Variants in MGRN1 observed in about 807,000 individuals in gnomAD.
MGRN1 encodes E3 ubiquitin-protein ligase MGRN1.
In MGRN1, 29 loss-of-function variants were observed where a neutral mutation model predicts 69.2. That is an observed-to-expected ratio of 0.42 (90% confidence interval 0.31 to 0.57). MGRN1 has a LOEUF of 0.57. MGRN1 is among the 20% of genes least tolerant of loss of function. The pLI, the probability that MGRN1 is intolerant of heterozygous loss-of-function variation, is 0.15. For synonymous variants in MGRN1, 470 were observed against 344.2 expected, an observed-to-expected ratio of 1.37 and a Z score of -4.04; for missense variants, 998 against 796.2, an observed-to-expected ratio of 1.25 and a Z score of -3.05.
At chr16:4,667,730 G>A (rs1035477753) in intron 7 of MGRN1, among the ~76,000 whole-genome samples, 3 of 152,224 alleles carry the variant, frequency 2.0e-5, no homozygotes, top group Admixed American at 6.5e-5. Context: ...CTGAGCGGTG[G>A]TGTGTTTCCC....
chr16:4,663,225 G>C lies in MGRN1; in HGVS notation c.562-1484G>C, dbSNP rs145871195. ...ATTACAGGCATGCGTCACCATGCTTGGCTAATTTTTGTATTTTTAGTAGAG... is the reference window on the plus strand; with the variant it reads ...ATTACAGGCATGCGTCACCATGCTTCGCTAATTTTTGTATTTTTAGTAGAG... On this transcript the variant is annotated intron_variant, in intron 5 of 16. Coordinates refer to ENST00000262370, the MANE Select transcript of MGRN1 (RefSeq NM_015246.4). Among the ~76,000 whole-genome samples the C allele has an allele frequency of 3.1e-3, 466 of 152,168 alleles. 3 individuals are homozygous for C. Among genetic ancestry groups the C allele is most frequent in the African/African-American group, 0.011 (440 of 41,510 alleles).
intron 1 of MGRN1, among the ~76,000 whole-genome samples, chr16:4,643,403 A>ATTTTTTTT (rs34438924): frequency 9.1e-6 from 1 of 109,838 alleles, no homozygotes; most frequent in African/African-American, 3.6e-5. Context: ...GCCTTGCTTG[A>ATTTTTTTT]TTTTTTTTTT....
chr16:4,628,173 T>C (rs1407073624), intron 1 of MGRN1, among the ~76,000 whole-genome samples: 7 of 148,580 alleles, frequency 4.7e-5, no homozygotes, highest in Non-Finnish European at 7.4e-5. Context: ...GATCACGAGG[T>C]CAGGAGATCG....
chr16:4,682,026 A>G (rs1470909307), intron 13 of MGRN1, among the ~76,000 whole-genome samples: 1 of 152,192 alleles, frequency 6.6e-6, no homozygotes, highest in Non-Finnish European at 1.5e-5. Flanking sequence ...ACCGGCGTGC[A>G]GGCGCATACG....
intron 4 of MGRN1, 94 bp from the exon 5 acceptor site, chr16:4,657,151 TG>T: frequency 8.5e-7 from 1 of 1,172,964 alleles, no homozygotes; most frequent in Non-Finnish European, 1.2e-6. Context: ...AAAAGACAGG[TG>T]TCTGCGGCCC....
intron 1 of MGRN1, among the ~76,000 whole-genome samples, chr16:4,641,516 T>C (rs2078156538): frequency 1.1e-5 from 1 of 94,500 alleles, no homozygotes; most frequent in East Asian, 2.2e-4. Context: ...GCCTGGCTAC[T>C]TTTTTTTTTT....
chr16:4,638,251 GGT>G (rs1335259329), intron 1 of MGRN1, among the ~76,000 whole-genome samples: 1 of 152,064 alleles, frequency 6.6e-6, no homozygotes, highest in Non-Finnish European at 1.5e-5. Context: ...TGGATTACGA[GGT>G]CAGGAGTTTG....
intron 8 of MGRN1, among the ~76,000 whole-genome samples, chr16:4,670,805 G>C (rs1173488795): frequency 6.6e-6 from 1 of 152,258 alleles, no homozygotes; most frequent in East Asian, 1.9e-4. Flanking sequence ...CTTGTGTTGA[G>C]AGAGCTGACC....
At chr16:4,662,088 T>C (rs1196151504) in intron 5 of MGRN1, among the ~76,000 whole-genome samples, 1 of 152,154 alleles carries the variant, frequency 6.6e-6, no homozygotes, top group African/African-American at 2.4e-5. Context: ...ACACTGATGT[T>C]TGTCCCCGTC....
chr16:4,664,753 G>T lies in MGRN1; in HGVS notation c.606G>T (p.Gln202His), dbSNP rs772207904. Residue 202 changes from glutamine (Q) to histidine (H), a missense_variant, in exon 6 of 17, where the codon CAG (glutamine) becomes CAT (histidine). Transcript: ENST00000262370. The stretch of plus-strand genomic sequence containing the variant: ...GGGGCGTGTTTCCAGTAGTCATCCA[G>T]GCTGTGGTGGACGAAGGAGATGGTG... ...LDRGVFPVVI[Q>H]AVVDEGDVVE... 1.2e-6 allele frequency: 2 copies of T among 1,614,236 alleles called. No individual in the cohort carries two copies. Among genetic ancestry groups the T allele is most frequent in the South Asian group, 2.2e-5 (2 of 91,086 alleles).
chr16:4,665,362 CT>C (rs373526884), intron 7 of MGRN1, among the ~76,000 whole-genome samples: 10,017 of 141,520 alleles, frequency 0.071, 671 homozygotes, highest in African/African-American at 0.19. Flanking sequence ...TTAGCATTTC[CT>C]TTTTTTTTTT....
intron 9 of MGRN1, chr16:4,672,256 A>C: frequency 2.3e-6 from 1 of 433,234 alleles, no homozygotes; most frequent in Non-Finnish European, 4.7e-6. Flanking sequence ...TATGTTGGCC[A>C]GGCTGGTCTC....
At position 4,668,526 on chromosome 16, in the gene MGRN1, CACAG is replaced by C. The variant is rs912748329; in HGVS notation, c.726+218_726+221del. Among the ~76,000 whole-genome samples, 17 of 152,004 alleles carry C rather than the reference CACAG, an allele frequency of 1.1e-4. No individual in the cohort carries two copies. The Middle Eastern group carries it at 0.01, about 91-fold the overall frequency. ...TCACACATATATAGACACATAAACA[CACAG>C]ACACACACATACACACATAAACACA... On this transcript the variant is annotated intron_variant, in intron 8 of 16. Transcript: ENST00000262370.
chr16:4,667,915 G>A (rs536212757), intron 7 of MGRN1, among the ~76,000 whole-genome samples: 1 of 152,204 alleles, frequency 6.6e-6, no homozygotes, highest in South Asian at 2.1e-4. Context: ...GATACTTCTC[G>A]GTGTGCAGGA....
At chr16:4,627,972 C>T (rs1256830175) in intron 1 of MGRN1, among the ~76,000 whole-genome samples, 3 of 142,662 alleles carry the variant, frequency 2.1e-5, no homozygotes, top group Non-Finnish European at 4.5e-5. Context: ...CCCAGCTACT[C>T]AGGAAGCTGA....
intron 11 of MGRN1, among the ~76,000 whole-genome samples, chr16:4,678,183 A>G (rs981506466): frequency 1.3e-5 from 2 of 151,984 alleles, no homozygotes; most frequent in African/African-American, 2.4e-5. Flanking sequence ...TGTTTCCCCC[A>G]TGCGCTGCTG....
intron 16 of MGRN1, chr16:4,687,908 C>T: frequency 2.0e-6 from 2 of 985,526 alleles, no homozygotes; most frequent in African/African-American, 1.7e-5. Context: ...CTGTCCTGAG[C>T]CATTATACCC....
At chr16:4,626,552 TAC>T (rs1321735464) in intron 1 of MGRN1, among the ~76,000 whole-genome samples, 3 of 152,232 alleles carry the variant, frequency 2.0e-5, no homozygotes, top group Non-Finnish European at 2.9e-5. Flanking sequence ...TGGTAGCTGC[TAC>T]AATTGCTCAT....
intron 5 of MGRN1, among the ~76,000 whole-genome samples, chr16:4,662,515 C>CAA (rs752715716): frequency 2.3e-5 from 3 of 132,540 alleles, no homozygotes; most frequent in Admixed American, 7.7e-5. Context: ...GACTCTGTCT[C>CAA]AAAAAAAAAA....
Sources: gnomAD v4.1 joint callset for allele counts (sites outside exome capture counted in the v4.1 genomes callset) on GRCh38, gnomAD v4.1.1 for gene constraint, MANE v1.5 for transcripts, NCBI Gene and HGNC (gene_info 2026-07-23, HGNC 2026-07-21) for gene names.